The following NRXN3 variants were observed in gnomAD, a reference collection of about 807,000 sequenced individuals.
NRXN3 encodes the protein neurexin 3, also known as neurexin III.
In NRXN3, 32 loss-of-function variants were observed where a neutral mutation model predicts 137.6. That is an observed-to-expected ratio of 0.23 (90% CI 0.18 to 0.31). NRXN3 has a LOEUF of 0.31. NRXN3 is among the 10% of genes least tolerant of loss of function. NRXN3 has a pLI of 1.00. For missense variants in NRXN3, 1,574 were observed against 2,062.5 expected (o/e 0.76, Z 4.59); for synonymous variants, 798 against 784.5 (o/e 1.02, Z -0.29).
chr14:79,098,034 C>T (rs1420968161), intron 15 of NRXN3, among the ~76,000 whole-genome samples: 1 of 152,174 alleles, frequency 6.6e-6, no homozygotes, highest in Non-Finnish European at 1.5e-5. Context: ...AGAGAAGTCT[C>T]CTGGGATGCT....
At chr14:79,566,116 T>C (rs1224881705) in intron 16 of NRXN3, among the ~76,000 whole-genome samples, 1 of 152,136 alleles carries the variant, frequency 6.6e-6, no homozygotes, top group East Asian at 1.9e-4. Context: ...GACACCCCTG[T>C]GCTCTAACAA....
intron 15 of NRXN3, among the ~76,000 whole-genome samples, chr14:79,035,138 C>T (rs2099614012): frequency 6.6e-6 from 1 of 152,038 alleles, no homozygotes; most frequent in African/African-American, 2.4e-5. Flanking sequence ...AAATGTAAAC[C>T]TATTTTTTAA....
chr14:78,212,528 T>C (rs1335532644), intron 1 of NRXN3, among the ~76,000 whole-genome samples: 1 of 152,186 alleles, frequency 6.6e-6, no homozygotes, highest in Non-Finnish European at 1.5e-5. Flanking sequence ...TCATGTGGGT[T>C]CTGGTTGTGG....
At chr14:78,819,098 C>T (rs963785577) in intron 10 of NRXN3, among the ~76,000 whole-genome samples, 1 of 152,072 alleles carries the variant, frequency 6.6e-6, no homozygotes, top group South Asian at 2.1e-4. Context: ...CTTGGAGCCT[C>T]GCAAGCTGTG....
At chr14:79,539,150 C>A (rs779267536) in intron 16 of NRXN3, among the ~76,000 whole-genome samples, 3 of 152,126 alleles carry the variant, frequency 2.0e-5, no homozygotes, top group Non-Finnish European at 4.4e-5. Flanking sequence ...ACCTCCACCT[C>A]CCAGTAATGG....
chr14:78,523,976 C>G (rs919554912), intron 4 of NRXN3, among the ~76,000 whole-genome samples: 5 of 152,140 alleles, frequency 3.3e-5, no homozygotes, highest in Admixed American at 1.3e-4. Context: ...CGTCCTTTCA[C>G]TACAAAACAG....
At chr14:78,790,459 C>G (rs1314732302) in intron 8 of NRXN3, among the ~76,000 whole-genome samples, 1 of 152,112 alleles carries the variant, frequency 6.6e-6, no homozygotes, top group Non-Finnish European at 1.5e-5. Context: ...TTGTTGATTC[C>G]CTGGAACCGT....
chr14:79,432,766 A>G (rs1450014402), intron 15 of NRXN3, among the ~76,000 whole-genome samples: 1 of 152,180 alleles, frequency 6.6e-6, no homozygotes, highest in Non-Finnish European at 1.5e-5. Flanking sequence ...GTCTTCTGTC[A>G]TGATTTTGAA....
chr14:79,061,429 G>C (rs1044680542), intron 15 of NRXN3, among the ~76,000 whole-genome samples: 1 of 152,170 alleles, frequency 6.6e-6, no homozygotes, highest in Non-Finnish European at 1.5e-5. Flanking sequence ...AGGAAGGGGA[G>C]GCAAAAGTAT....
chr14:78,618,252 C>G (rs1450244410), intron 4 of NRXN3, among the ~76,000 whole-genome samples: 1 of 151,202 alleles, frequency 6.6e-6, no homozygotes, highest in Non-Finnish European at 1.5e-5. Flanking sequence ...CAGAGTTGTG[C>G]TATACCTTTT....
At chr14:79,490,459 T>A (rs898503653) in intron 16 of NRXN3, among the ~76,000 whole-genome samples, 1 of 152,186 alleles carries the variant, frequency 6.6e-6, no homozygotes, top group Admixed American at 6.5e-5. Context: ...GTGGTACATA[T>A]ACACAATGGA....
intron 16 of NRXN3, among the ~76,000 whole-genome samples, chr14:79,585,696 A>T (rs1304033310): frequency 3.4e-5 from 5 of 149,212 alleles, no homozygotes; most frequent in Non-Finnish European, 7.4e-5. Flanking sequence ...AAAAAAAACA[A>T]AAAAAAAAAA....
intron 15 of NRXN3, among the ~76,000 whole-genome samples, chr14:79,149,376 T>C (rs889579787): frequency 6.6e-6 from 1 of 151,718 alleles, no homozygotes; most frequent in African/African-American, 2.4e-5. Context: ...AAAGAGAAGG[T>C]AGGCTTGAGA....
intron 19 of NRXN3, among the ~76,000 whole-genome samples, chr14:79,735,521 G>A (rs1415254137): frequency 1.3e-5 from 2 of 152,158 alleles, no homozygotes; most frequent in African/African-American, 4.8e-5. Context: ...TGTCTTCTGA[G>A]TTATGAAAGC....
At chr14:78,202,188 A>T (rs1286106422) in intron 1 of NRXN3, among the ~76,000 whole-genome samples, 7 of 152,122 alleles carry the variant, frequency 4.6e-5, no homozygotes, top group African/African-American at 1.7e-4. Flanking sequence ...GGAGGGGGAA[A>T]CGAAAGGCTG....
At chr14:78,649,543 A>AT (rs1221091942) in intron 5 of NRXN3, among the ~76,000 whole-genome samples, 3 of 130,330 alleles carry the variant, frequency 2.3e-5, no homozygotes, top group Non-Finnish European at 4.9e-5. Flanking sequence ...CTAGTTTTCA[A>AT]TTTTTTCCCC....
chr14:79,201,492 TA>T (rs2066002532), intron 15 of NRXN3: 1 of 152,216 alleles, frequency 6.6e-6, no homozygotes, highest in East Asian at 1.9e-4. Flanking sequence ...TATTTTAACA[TA>T]TTCAGAAACA....
intron 15 of NRXN3, chr14:79,072,247 A>G (rs959510481): frequency 6.6e-6 from 1 of 152,228 alleles, no homozygotes; most frequent in Non-Finnish European, 1.5e-5. Context: ...TTCATAACAT[A>G]GCTACCAATA....
At chr14:78,765,810 T>G (rs17108218) in intron 8 of NRXN3, among the ~76,000 whole-genome samples, 28,412 of 152,090 alleles carry the variant, frequency 0.19, 3,357 homozygotes, top group African/African-American at 0.32. Context: ...CATTATTTCT[T>G]TGGCTAAGGC....
Sources: allele counts gnomAD v4.1 joint callset (sites outside exome capture counted in the v4.1 genomes callset), GRCh38; gene constraint gnomAD v4.1.1; transcripts MANE v1.5; gene names NCBI Gene and HGNC (gene_info 2026-07-23, HGNC 2026-07-21).